CUL3: variants seen among roughly 807,000 people sequenced by gnomAD.
CUL3 encodes the protein cullin 3, also known as cullin-3.
In CUL3, 19 loss-of-function variants were observed where a neutral mutation model predicts 89.1. That is an observed-to-expected ratio of 0.21 (90% CI 0.15 to 0.31). CUL3 has a LOEUF of 0.31. Ranked by LOEUF, CUL3 falls within the 10% of genes least tolerant of loss-of-function variation. The pLI is 1.00. For missense variants in CUL3, 469 were observed against 942.3 expected (o/e 0.50, Z 6.58); for synonymous variants, 351 against 308.4 (o/e 1.14, Z -1.45).
At chr2:224,484,107 G>T (rs1181834501) in intron 13 of CUL3, among the ~76,000 whole-genome samples, 1 of 152,016 alleles carries the variant, frequency 6.6e-6, no homozygotes, top group Admixed American at 6.5e-5. Flanking sequence ...GGAGGTCGAG[G>T]TTATAGTGAG....
At chr2:224,583,557 C>T (rs890996776) in intron 1 of CUL3, among the ~76,000 whole-genome samples, 3 of 152,134 alleles carry the variant, frequency 2.0e-5, no homozygotes, top group African/African-American at 7.2e-5. Context: ...CTCACGTTTA[C>T]TTAGAAAAAA....
rs748826614 is a variant in CUL3 at position 224,473,053 on chromosome 2, A to G, written c.*1192T>C. 1 of 199,188 alleles carries G rather than the reference A, an allele frequency of 5.0e-6. No individual in the cohort carries two copies. Among genetic ancestry groups the G allele is most frequent in the African/African-American group, 2.3e-5 (1 of 43,412 alleles). The allele number at this position is 199,188 out of a possible 1,614,324, so 12.3% of individuals were successfully genotyped here. ...CACAGGATATCTGACAAGAATCTTC[A>G]GCACAAAGCACATGTTTGAAAACGT... On this transcript the variant is annotated 3_prime_UTR_variant, in exon 16 of 16. Transcript: ENST00000264414.
intron 12 of CUL3, 68 bp downstream of exon 12, chr2:224,497,685 T>C: frequency 2.5e-6 from 3 of 1,187,168 alleles, no homozygotes; most frequent in South Asian, 1.3e-5. Context: ...CAGGTCAACA[T>C]AAATCACACA....
chr2:224,539,174 A>C (rs1020988515), intron 2 of CUL3, among the ~76,000 whole-genome samples: 1 of 152,252 alleles, frequency 6.6e-6, no homozygotes, highest in African/African-American at 2.4e-5. Flanking sequence ...ACAGACACCT[A>C]ACCAAAGAAG....
chr2:224,492,920 T>C (rs929562746), intron 13 of CUL3, among the ~76,000 whole-genome samples: 1 of 152,110 alleles, frequency 6.6e-6, no homozygotes, highest in Non-Finnish European at 1.5e-5. Flanking sequence ...GCCACCAAGA[T>C]TTGAGGACAA....
At chr2:224,519,668 T>TTTG (rs1693190276) in intron 3 of CUL3, among the ~76,000 whole-genome samples, 1 of 152,194 alleles carries the variant, frequency 6.6e-6, no homozygotes, top group Admixed American at 6.5e-5. Context: ...ATGTCTGACA[T>TTTG]GTATGATTAA....
chr2:224,563,336 T>C (rs964534096), intron 1 of CUL3: 2 of 463,734 alleles, frequency 4.3e-6, no homozygotes, highest in Non-Finnish European at 8.9e-6. Context: ...TCTATGTATT[T>C]TCATTCATTG....
intron 13 of CUL3, among the ~76,000 whole-genome samples, chr2:224,492,365 T>G (rs530290671): frequency 1.3e-5 from 2 of 152,302 alleles, no homozygotes; most frequent in East Asian, 3.9e-4. Context: ...ATGATTGCTA[T>G]AAATTATTGA....
chr2:224,473,064 CAT>C lies in CUL3; in HGVS notation c.*1179_*1180del, dbSNP rs1273901491. The C allele has an allele frequency of 3.0e-5, 6 of 200,346 alleles. No homozygotes were observed. Among genetic ancestry groups the C allele is most frequent in the South Asian group, 1.9e-4 (1 of 5,228 alleles). The allele number at this position is 200,346 out of a possible 1,614,324, so 12.4% of individuals were successfully genotyped here. ...TGACAAGAATCTTCAGCACAAAGCA[CAT>C]GTTTGAAAACGTGAAACGATGACTC... is the stretch of plus-strand genomic sequence containing the variant. On this transcript the variant is annotated 3_prime_UTR_variant, in exon 16 of 16. Transcript: ENST00000264414.
rs905700466 is a variant in CUL3, at chr2:224,504,984, T to C, written c.1206+972A>G. The stretch of plus-strand genomic sequence containing the variant: ...TACTCTATCTATGCCTTAATATTCT[T>C]GGCATCCAATTATTGTTTGACATAT... On this transcript the variant is annotated intron_variant, in intron 8 of 15. Coordinates refer to ENST00000264414, the MANE Select transcript of CUL3 (RefSeq NM_003590.5). 3.9e-5 allele frequency among the ~76,000 whole-genome samples: 6 copies of C among 152,192 alleles called. No individual in the cohort carries two copies. The South Asian group carries it at 8.3e-4, about 21-fold the overall frequency.
rs377001338 is a variant in CUL3 at position 224,535,594 on chromosome 2, C to A, written c.312G>T (p.Thr104=). 1.1e-5 allele frequency: 17 copies of A among 1,612,550 alleles called. No homozygotes were observed. The highest frequency in any genetic ancestry group is 1.4e-5 in the Non-Finnish European group (16 of 1,179,308). ...GATGATCATTCCAAGCTTGATTTAG[C>A]GTTTGAAGAAAGTTGTTATTCAATG... is the stretch of plus-strand genomic sequence containing the variant. ...LNSLNNNFLQ[T]LNQAWNDHQT... is the part of the protein sequence containing the mutation. Residue 104 remains threonine, a synonymous_variant, in exon 3 of 16, where the codon ACG becomes ACT. Transcript: ENST00000264414.
chr2:224,580,573 A>G (rs570161079), intron 1 of CUL3, among the ~76,000 whole-genome samples: 1 of 152,188 alleles, frequency 6.6e-6, no homozygotes, highest in Non-Finnish European at 1.5e-5. Context: ...AGTCCCAGCT[A>G]CTTGGGAGAC....
intron 15 of CUL3, 190 bp from the exon 16 acceptor site, chr2:224,474,566 A>C: frequency 1.9e-6 from 1 of 526,034 alleles, no homozygotes; most frequent in South Asian, 2.8e-5. Context: ...ACTTCCTCAA[A>C]TCAGAATGTG....
At chr2:224,540,024 G>GT (rs1325033332) in intron 2 of CUL3, among the ~76,000 whole-genome samples, 1 of 150,426 alleles carries the variant, frequency 6.6e-6, no homozygotes, top group Non-Finnish European at 1.5e-5. Flanking sequence ...GGGCAGGGGT[G>GT]TATTTGGGAA....
rs150141735 is a variant in CUL3, at chr2:224,549,190, G to A, written c.264+8469C>T. 1.1e-3 allele frequency among the ~76,000 whole-genome samples: 165 copies of A among 152,080 alleles called. 1 individual carries two copies. Among genetic ancestry groups the A allele is most frequent in the African/African-American group, 3.7e-3 (154 of 41,496 alleles). ...AGATTGGCCGAGCATGGTGGCACAC[G>A]CCTGTAATCCCAGCTACTCGGAAGG... On this transcript the variant is annotated intron_variant, in intron 2 of 15. Coordinates refer to ENST00000264414, the MANE Select transcript of CUL3 (RefSeq NM_003590.5).
chr2:224,517,658 C>T (rs1206629265), intron 3 of CUL3, among the ~76,000 whole-genome samples: 2 of 152,084 alleles, frequency 1.3e-5, no homozygotes, highest in African/African-American at 2.4e-5. Flanking sequence ...ACAGCAAGAC[C>T]CCATTTCAAA....
intron 1 of CUL3, among the ~76,000 whole-genome samples, chr2:224,570,640 C>T (rs1695162936): frequency 6.6e-6 from 1 of 151,312 alleles, no homozygotes; most frequent in Non-Finnish European, 1.5e-5. Context: ...GAGCTGATGC[C>T]AAGGAAAAAG....
Position 224,472,251 on chromosome 2 carries a change from G to A in CUL3, c.*1994C>T, listed in dbSNP as rs574916134. 8.2e-5 allele frequency: 18 copies of A among 218,742 alleles called. No individual in the cohort carries two copies. In the South Asian group the frequency reaches 3.1e-3, roughly 38 times the overall value. The allele number at this position is 218,742 out of a possible 1,614,324, so 13.6% of individuals were successfully genotyped here. On this transcript the variant is annotated 3_prime_UTR_variant, in exon 16 of 16. Transcript: ENST00000264414. The stretch of plus-strand genomic sequence containing the variant: ...TTACAGCCACACTTGAGACAATGAC[G>A]TAAACTTAAACTTTACTTTTAATGG...
At chr2:224,477,576 A>G (rs549908120) in intron 15 of CUL3, among the ~76,000 whole-genome samples, 3 of 152,352 alleles carry the variant, frequency 2.0e-5, no homozygotes, top group South Asian at 2.1e-4. Flanking sequence ...GTACAAAACA[A>G]TATTAAGTGA....
Sources: allele counts gnomAD v4.1 joint callset (sites outside exome capture counted in the v4.1 genomes callset), GRCh38; gene constraint gnomAD v4.1.1; transcripts MANE v1.5; gene names NCBI Gene and HGNC (gene_info 2026-07-23, HGNC 2026-07-21).